APOD: variants seen among roughly 807,000 people sequenced by gnomAD.
APOD encodes apolipoprotein D.
In APOD, 22 loss-of-function variants were observed where a neutral mutation model predicts 20.4. The ratio of observed to expected loss-of-function variants is 1.08; its 90% CI spans 0.77 to 1.54. The LOEUF (loss-of-function observed/expected upper bound fraction) is 1.54. Ranked by LOEUF, APOD falls within the 40% of genes most tolerant of loss-of-function variation. The pLI, the probability that APOD is intolerant of heterozygous loss-of-function variation, is 0.00. For missense variants in APOD, 223 were observed against 229.6 expected (o/e 0.97, Z 0.19); for synonymous variants, 97 against 92.4 (o/e 1.05, Z -0.29).
intron 2 of APOD, among the ~76,000 whole-genome samples, chr3:195,574,598 G>A (rs144453761): frequency 6.4e-4 from 97 of 152,326 alleles, no homozygotes; most frequent in African/African-American, 2.3e-3. Flanking sequence ...AACCTCTGCG[G>A]AGGGCAGTTT....
rs1455941981 is a variant in APOD, at chr3:195,568,867, A to G, written c.*33T>C. The G allele has an allele frequency of 8.0e-6, 12 of 1,499,264 alleles. No homozygotes were observed. The highest frequency in any genetic ancestry group is 5.0e-5 in the Admixed American group (3 of 59,662). 92.9% of individuals were successfully genotyped at this position (1,499,264 alleles called of 1,614,324 possible). A position where few individuals can be genotyped will look rare whatever the true frequency, so the allele number is the denominator to read the frequency against. ...TAGGGGAAAGCGAAGCAGAAGTAACATGGAGTGGGTGCAGCCTCCCTGTAG... is the reference window on the plus strand; with the variant it reads ...TAGGGGAAAGCGAAGCAGAAGTAACGTGGAGTGGGTGCAGCCTCCCTGTAG... On this transcript the variant is annotated 3_prime_UTR_variant, in exon 5 of 5. Coordinates refer to ENST00000343267, the MANE Select transcript of APOD (RefSeq NM_001647.4).
Position 195,571,324 on chromosome 3 carries a change from G to A in APOD, c.287C>T (p.Pro96Leu), listed in dbSNP as rs745985370. ...CTTGGCAGGCTCTGTGAGGTTAACT[G>A]GGGTGGCTTCACCTTCGATTTGATT... ...TVNQIEGEAT[P>L]VNLTEPAKLE... Residue 96 changes from proline to leucine, a missense_variant, in exon 4 of 5, where the codon CCA (proline) becomes CTA (leucine). Coordinates refer to ENST00000343267, the MANE Select transcript of APOD (RefSeq NM_001647.4). 2 of 1,614,124 alleles carry A rather than the reference G, an allele frequency of 1.2e-6. No individual in the cohort carries two copies. Among genetic ancestry groups the A allele is most frequent in the East Asian group, 2.2e-5 (1 of 44,890 alleles).
intron 3 of APOD, among the ~76,000 whole-genome samples, chr3:195,572,357 C>T (rs1027898068): frequency 1.3e-5 from 2 of 152,166 alleles, no homozygotes; most frequent in African/African-American, 4.8e-5. Flanking sequence ...CAGGTATGCC[C>T]AGATTTCAGA....
At chr3:195,570,079 T>G (rs570822116) in intron 4 of APOD, among the ~76,000 whole-genome samples, 2 of 152,286 alleles carry the variant, frequency 1.3e-5, no homozygotes, top group African/African-American at 4.8e-5. Flanking sequence ...CCAGTTCCCT[T>G]CACTTGGAAA....
intron 2 of APOD, among the ~76,000 whole-genome samples, chr3:195,574,778 G>T (rs1308316867): frequency 6.6e-6 from 1 of 152,142 alleles, no homozygotes; most frequent in Non-Finnish European, 1.5e-5. Flanking sequence ...CATTAGTAGG[G>T]GGCTGGGTGA....
At chr3:195,575,640 T>C (rs1720235449) in intron 2 of APOD, among the ~76,000 whole-genome samples, 2 of 152,090 alleles carry the variant, frequency 1.3e-5, no homozygotes, top group Admixed American at 1.3e-4. Flanking sequence ...TAGAATTTTG[T>C]TTTTTTGAGA....
chr3:195,575,999 A>G (rs1720241947), intron 2 of APOD, among the ~76,000 whole-genome samples: 1 of 152,350 alleles, frequency 6.6e-6, no homozygotes, highest in East Asian at 1.9e-4. Context: ...AGGATGCTGC[A>G]CACAGGTGAG....
At chr3:195,579,622 G>T in intron 1 of APOD, 127 bp from the exon 2 acceptor site, 2 of 1,010,616 alleles carry the variant, frequency 2.0e-6, no homozygotes, top group Non-Finnish European at 1.4e-6. Context: ...CCCAGCCCAT[G>T]TGAACCCTCA....
Position 195,568,786 on chromosome 3 carries a change from T to G in APOD, c.*114A>C. ...GGTAACAGGGTAGGGCATGGTTACA[T>G]GTTCAGGTCAACTTCCTTTGTCGTG... On this transcript the variant is annotated 3_prime_UTR_variant, in exon 5 of 5. Coordinates refer to ENST00000343267, the MANE Select transcript of APOD (RefSeq NM_001647.4). 1.9e-5 allele frequency: 14 copies of G among 747,864 alleles called. No homozygotes were observed. The highest frequency in any genetic ancestry group is 3.2e-5 in the Non-Finnish European group (14 of 431,938). The allele number at this position is 747,864 out of a possible 1,614,324, so 46.3% of individuals were successfully genotyped here.
intron 3 of APOD, 36 bp from the exon 4 acceptor site, chr3:195,571,401 C>T (rs371407688): frequency 1.3e-5 from 20 of 1,572,222 alleles, no homozygotes; most frequent in Middle Eastern, 3.5e-4. Context: ...ATACAAAAAA[C>T]GAAAAGAGAA....
At chr3:195,577,993 G>T (rs758697796) in intron 2 of APOD, among the ~76,000 whole-genome samples, 2 of 149,806 alleles carry the variant, frequency 1.3e-5, no homozygotes. Flanking sequence ...TGATGGTTGC[G>T]TAACTCTGTG....
chr3:195,575,867 C>G (rs1216371019), intron 2 of APOD, among the ~76,000 whole-genome samples: 1 of 152,082 alleles, frequency 6.6e-6, no homozygotes, highest in African/African-American at 2.4e-5. Context: ...ACCTAGTGAT[C>G]CCCCTGCCTC....
intron 2 of APOD, among the ~76,000 whole-genome samples, chr3:195,579,047 A>G (rs574392206): frequency 6.6e-6 from 1 of 152,264 alleles, no homozygotes; most frequent in African/African-American, 2.4e-5. Context: ...GAGGGTGCCC[A>G]GTGTGACTGA....
intron 4 of APOD, among the ~76,000 whole-genome samples, chr3:195,570,251 C>T (rs1045957563): frequency 6.6e-6 from 1 of 152,194 alleles, no homozygotes; most frequent in African/African-American, 2.4e-5. Flanking sequence ...CCCAACTCTA[C>T]TTCTAATGAG....
chr3:195,573,397 A>G (rs1412854627), intron 3 of APOD, among the ~76,000 whole-genome samples: 1 of 152,238 alleles, frequency 6.6e-6, no homozygotes, highest in Non-Finnish European at 1.5e-5. Context: ...AATGTTGTGT[A>G]TGTGATTCTT....
chr3:195,580,365 C>CT (rs139094015), intron 1 of APOD, among the ~76,000 whole-genome samples: 64,311 of 123,888 alleles, frequency 0.52, 15,603 homozygotes, highest in African/African-American at 0.68. Flanking sequence ...TTCTTTCTTT[C>CT]TTCTTTTTTT....
intron 3 of APOD, among the ~76,000 whole-genome samples, chr3:195,571,776 G>A (rs1013798806): frequency 6.6e-6 from 1 of 151,770 alleles, no homozygotes; most frequent in Non-Finnish European, 1.5e-5. Context: ...ACACAAAGAA[G>A]ATTCACTTTT....
rs569788660 is a variant in APOD at position 195,579,438 on chromosome 3, A to G, written c.24T>C (p.Leu8=). 1.1e-4 allele frequency: 178 copies of G among 1,613,808 alleles called. No individual in the cohort carries two copies. In the East Asian group the frequency reaches 3.6e-3, roughly 33 times the overall value. The part of the protein sequence containing the change: MVMLLLL[L]SALAGLFGAA... The stretch of plus-strand genomic sequence containing the variant: ...CACCGAAGAGGCCAGCCAGTGCGGA[A>G]AGCAGCAGCAGCAGCATCACCATCT... Residue 8 remains leucine, a synonymous_variant, in exon 2 of 5, where the codon CTT becomes CTC. Transcript: ENST00000343267.
intron 3 of APOD, 122 bp from the exon 4 acceptor site, chr3:195,571,487 A>T (rs1042984082): frequency 8.2e-5 from 67 of 819,040 alleles, no homozygotes; most frequent in Non-Finnish European, 1.2e-4. Context: ...GGCAGCCAAC[A>T]CCGTGATTTC....
Sources: gnomAD v4.1 joint callset for allele counts (sites outside exome capture counted in the v4.1 genomes callset) on GRCh38, gnomAD v4.1.1 for gene constraint, MANE v1.5 for transcripts, NCBI Gene and HGNC (gene_info 2026-07-23, HGNC 2026-07-21) for gene names.